Variants in DENND4A observed in about 807,000 individuals in gnomAD.
The protein encoded by DENND4A is C-myc promoter-binding protein.
Under a neutral mutation model 199.3 loss-of-function variants are expected in DENND4A, and 70 were observed. That is an observed-to-expected ratio of 0.35 (90% CI 0.29 to 0.43). The LOEUF (loss-of-function observed/expected upper bound fraction) is 0.43, where lower values mean the gene tolerates loss of function less well. DENND4A is among the 20% of genes least tolerant of loss of function. DENND4A has a pLI of 1.00. For missense variants in DENND4A, 1,723 were observed against 2,255.8 expected, an observed-to-expected ratio of 0.76 and a Z score of 4.78; for synonymous variants, 686 against 766.9, an observed-to-expected ratio of 0.89 and a Z score of 1.74.
At chr15:65,744,718 A>G (rs2140507876) in intron 4 of DENND4A, among the ~76,000 whole-genome samples, 1 of 152,366 alleles carries the variant, frequency 6.6e-6, no homozygotes, top group East Asian at 1.9e-4. Context: ...CTCATAAAGT[A>G]TAAGCTTTTA....
intron 9 of DENND4A, among the ~76,000 whole-genome samples, chr15:65,730,598 C>G (rs911770983): frequency 6.6e-6 from 1 of 152,060 alleles, no homozygotes; most frequent in Non-Finnish European, 1.5e-5. Flanking sequence ...AAACATTAAT[C>G]TAAGTCAAAG....
At chr15:65,746,165 A>C (rs2076384518) in intron 4 of DENND4A, among the ~76,000 whole-genome samples, 1 of 151,800 alleles carries the variant, frequency 6.6e-6, no homozygotes, top group Admixed American at 6.6e-5. Context: ...AGGAATTAAA[A>C]GCATTTTCCA....
At chr15:65,662,156 T>G (rs2075863772) in intron 32 of DENND4A, among the ~76,000 whole-genome samples, 169 bp from the exon 33 acceptor site, 1 of 152,198 alleles carries the variant, frequency 6.6e-6, no homozygotes, top group South Asian at 2.1e-4. Context: ...CCAGTGAAAC[T>G]TAAAGGTTTG....
chr15:65,668,497 C>G (rs992407542), intron 27 of DENND4A, among the ~76,000 whole-genome samples: 2 of 152,060 alleles, frequency 1.3e-5, no homozygotes, highest in African/African-American at 4.8e-5. Flanking sequence ...GTGTGGGCCA[C>G]CACTACCGGC....
chr15:65,693,544 C>T (rs1025704864), intron 22 of DENND4A, among the ~76,000 whole-genome samples: 14 of 151,846 alleles, frequency 9.2e-5, no homozygotes, highest in African/African-American at 2.7e-4. Context: ...TCTTTGAACA[C>T]GCTGTGGGAT....
Position 65,660,356 on chromosome 15 carries a change from G to T in DENND4A, c.*1495C>A. The T allele has an allele frequency of 6.7e-7, 1 of 1,501,198 alleles. No homozygotes were observed. The highest frequency in any genetic ancestry group is 9.0e-7 in the Non-Finnish European group (1 of 1,116,004). 93.0% of individuals were successfully genotyped at this position (1,501,198 alleles called of 1,614,324 possible). On this transcript the variant is annotated 3_prime_UTR_variant, in exon 33 of 33. Transcript: ENST00000443035. ...CTCAAAAGGTGGGTTTTCTGCAGCT[G>T]AACTGATTCTAAGTCTCAGGACTCC...
chr15:65,712,708 G>A (rs1219808167), intron 14 of DENND4A, among the ~76,000 whole-genome samples: 2 of 148,516 alleles, frequency 1.3e-5, no homozygotes, highest in African/African-American at 4.9e-5. Context: ...GGGATGAGTT[G>A]TATTTTGGCT....
chr15:65,664,562 C>G lies in DENND4A; in HGVS notation c.5520G>C (p.Gln1840His). 2 of 1,611,564 alleles carry G rather than the reference C, an allele frequency of 1.2e-6. No homozygotes were observed. Among genetic ancestry groups the G allele is most frequent in the South Asian group, 2.2e-5 (2 of 90,900 alleles). The change falls in exon 31 of 33, where the codon CAG (glutamine) becomes CAC (histidine). Residue 1840 changes from glutamine (Q) to histidine (H), a missense_variant and splice_region_variant. By Grantham distance (24) the Gln-to-His change is conservative (BLOSUM62 0). This residue lies in a region of DENND4A where 164 missense variants were observed against 280.1 expected (regional missense o/e 0.59). Coordinates refer to ENST00000443035, the MANE Select transcript of DENND4A (RefSeq NM_001320835.1). The stretch of plus-strand genomic sequence containing the variant: ...ATTCGTCTAAGAGAAGGACTTACCT[C>G]TGTCTTTTAAAATGTGGACACTTAT... ...TLNKCPHFKR[Q>H]RSLYREILFL...
intron 1 of DENND4A, among the ~76,000 whole-genome samples, chr15:65,787,442 C>G (rs1344360038): frequency 6.6e-6 from 1 of 152,144 alleles, no homozygotes; most frequent in Non-Finnish European, 1.5e-5. Flanking sequence ...CTTTCTACCT[C>G]TTTCTTTTTT....
intron 1 of DENND4A, among the ~76,000 whole-genome samples, chr15:65,764,585 C>T (rs867208835): frequency 2.6e-5 from 4 of 151,978 alleles, no homozygotes; most frequent in African/African-American, 7.3e-5. Flanking sequence ...GAGCAGAGAT[C>T]GTGCCACTGC....
intron 12 of DENND4A, among the ~76,000 whole-genome samples, chr15:65,718,760 C>CTTTTTTTTTTTTTTTTTTTTTTTTTTT (rs1038227560): frequency 4.4e-5 from 3 of 67,738 alleles, no homozygotes; most frequent in Non-Finnish European, 8.9e-5. Context: ...GTTTTTTTTC[C>CTTTTTTTTTTTTTTTTTTTTTTTTTTT]TTTTTTTTTT....
chr15:65,740,837 C>G (rs1458122276), intron 5 of DENND4A, among the ~76,000 whole-genome samples: 1 of 151,824 alleles, frequency 6.6e-6, no homozygotes, highest in Non-Finnish European at 1.5e-5. Context: ...TGGGACACTC[C>G]TATAGTCCAA....
chr15:65,705,101 G>A (rs1420989665), intron 15 of DENND4A, among the ~76,000 whole-genome samples: 3 of 152,086 alleles, frequency 2.0e-5, no homozygotes, highest in African/African-American at 7.2e-5. Flanking sequence ...ATCTTTGACA[G>A]AAGACATTTA....
intron 11 of DENND4A, among the ~76,000 whole-genome samples, chr15:65,725,486 C>T (rs918815027): frequency 6.6e-6 from 1 of 151,990 alleles, no homozygotes; most frequent in African/African-American, 2.4e-5. Flanking sequence ...ACCATCCTGG[C>T]TAATGCGGTG....
chr15:65,731,274 G>C (rs1165036145), intron 9 of DENND4A: 1 of 308,528 alleles, frequency 3.2e-6, no homozygotes, highest in Non-Finnish European at 6.4e-6. Context: ...TTTTTCTTTT[G>C]GGTAAAATTT....
rs534502784 is a variant in DENND4A at position 65,676,353 on chromosome 15, AC to A, written c.4369+91del. The stretch of plus-strand genomic sequence containing the variant: ...TACAAATTGTTTACAAAATTAAAAA[AC>A]AACATTAAATCATAAAGAAAAAAGT... On this transcript the variant is annotated intron_variant, in intron 24 of 32. Transcript: ENST00000443035. The A allele has an allele frequency of 5.8e-4, 652 of 1,121,334 alleles. 6 individuals carry two copies. In the African/African-American group the frequency reaches 9.4e-3, roughly 16 times the overall value. The allele number at this position is 1,121,334 out of a possible 1,614,324, so 69.5% of individuals were successfully genotyped here. A position where few individuals can be genotyped will look rare whatever the true frequency, so the allele number is the denominator to read the frequency against.
chr15:65,752,529 T>C lies in DENND4A; in HGVS notation c.411A>G (p.Ser137=). The C allele has an allele frequency of 6.2e-7, 1 of 1,613,666 alleles. No individual in the cohort carries two copies. Among genetic ancestry groups the C allele is most frequent in the Non-Finnish European group, 8.5e-7 (1 of 1,179,770 alleles). ...TTCGGTAAGTGATATAAATTCTTTG[T>C]GATGAGGTACTCCCACTAATATTTG... The part of the protein sequence containing the change: ...RPANISGSTS[S]QRIYITYRRA... Residue 137 remains serine (S), a synonymous_variant, in exon 4 of 33, where the codon TCA becomes TCG. Coordinates refer to ENST00000443035, the MANE Select transcript of DENND4A (RefSeq NM_001320835.1).
chr15:65,756,126 A>T lies in DENND4A; in HGVS notation c.311+14T>A. 1 of 1,575,922 alleles carries T rather than the reference A, an allele frequency of 6.3e-7. No individual in the cohort carries two copies. The highest frequency in any genetic ancestry group is 8.6e-7 in the Non-Finnish European group (1 of 1,162,110). On this transcript the variant is annotated intron_variant, in intron 3 of 32. Coordinates refer to ENST00000443035, the MANE Select transcript of DENND4A (RefSeq NM_001320835.1). ...TTGGATCAATAACAGTAAGTCGTTT[A>T]AAAAAATACTTACCCCAGATCTGTA...
chr15:65,723,111 TG>T (rs2075696898), intron 11 of DENND4A, among the ~76,000 whole-genome samples, 163 bp from the exon 12 acceptor site: 1 of 152,166 alleles, frequency 6.6e-6, no homozygotes, highest in Non-Finnish European at 1.5e-5. Flanking sequence ...AGGGGTAAAT[TG>T]GCATGTTGAA....
Sources: allele counts gnomAD v4.1 joint callset (sites outside exome capture counted in the v4.1 genomes callset), GRCh38; gene constraint gnomAD v4.1.1; regional missense constraint gnomAD v4.1.1; transcripts MANE v1.5; gene names NCBI Gene and HGNC (gene_info 2026-07-23, HGNC 2026-07-21).